The following SLC8A1 variants were observed in gnomAD, a reference collection of about 807,000 sequenced individuals.
SLC8A1 encodes solute carrier family 8 member A1, also known as sodium/calcium exchanger 1.
Under a neutral mutation model 68.3 loss-of-function variants are expected in SLC8A1, and 18 were observed. The ratio of observed to expected loss-of-function variants is 0.26; its 90% CI spans 0.18 to 0.39. SLC8A1 has a LOEUF of 0.39. Among genes scored for constraint, SLC8A1 ranks in the 10% least tolerant of loss-of-function variants. The probability of loss-of-function intolerance (pLI) is 1.00; values close to 1 mark genes in which losing one functional copy is unlikely to be tolerated. For missense variants in SLC8A1, 985 were observed against 1,156.7 expected (o/e 0.85, Z 2.15); for synonymous variants, 475 against 415.5 (o/e 1.14, Z -1.74).
chr2:40,306,473 A>C (rs1320232440), intron 2 of SLC8A1, among the ~76,000 whole-genome samples: 1 of 152,112 alleles, frequency 6.6e-6, no homozygotes, highest in Non-Finnish European at 1.5e-5. Flanking sequence ...ATAGCGTGGA[A>C]TATTTCAGTG....
At chr2:40,291,595 T>A (rs2069332895) in intron 2 of SLC8A1, among the ~76,000 whole-genome samples, 1 of 152,028 alleles carries the variant, frequency 6.6e-6, no homozygotes, top group African/African-American at 2.4e-5. Context: ...AATGGCATAA[T>A]TTGAATGTGC....
chr2:40,277,815 T>C (rs955445399), intron 2 of SLC8A1, among the ~76,000 whole-genome samples: 20 of 145,138 alleles, frequency 1.4e-4, no homozygotes, highest in Non-Finnish European at 2.7e-4. Flanking sequence ...TATATATATA[T>C]ATATATATAT....
In SLC8A1 at chr2:40,360,650, A is replaced by G. The variant is rs80281397; in HGVS notation, c.1808+67823T>C. Among the ~76,000 whole-genome samples, 527 of 152,318 alleles carry G rather than the reference A, an allele frequency of 3.5e-3. 1 individual carries two copies. The highest frequency in any genetic ancestry group is 6.8e-3 in the Middle Eastern group (2 of 294). On this transcript the variant is annotated intron_variant, in intron 2 of 7. Coordinates refer to ENST00000406785, the Ensembl canonical transcript of SLC8A1. Reference sequence around the variant, plus strand: ...TGAGGTACACAGAGCTGAGGCATACAGAGGTTGAGTCACTTGCCCAAGGTC... The same window carrying G: ...TGAGGTACACAGAGCTGAGGCATACGGAGGTTGAGTCACTTGCCCAAGGTC...
chr2:40,420,400 C>T (rs189234987), intron 2 of SLC8A1, among the ~76,000 whole-genome samples: 5 of 148,548 alleles, frequency 3.4e-5, no homozygotes, highest in East Asian at 2.0e-4. Context: ...ATTTCAAGTA[C>T]GAAGAAAAGC....
At chr2:40,415,859 T>TACACAC (rs70957173) in intron 2 of SLC8A1, among the ~76,000 whole-genome samples, 1,310 of 113,536 alleles carry the variant, frequency 0.012, 14 homozygotes, top group African/African-American at 0.024. Flanking sequence ...ACTAAAAGTA[T>TACACAC]ACACACACAC....
chr2:40,254,627 TGTGA>T (rs2063583860), intron 2 of SLC8A1: 1 of 152,186 alleles, frequency 6.6e-6, no homozygotes, highest in Admixed American at 6.5e-5. Context: ...TTCAGAAAAT[TGTGA>T]GTTTTAACCT....
chr2:40,132,104 T>TA (rs1167540659), intron 7 of SLC8A1, among the ~76,000 whole-genome samples: 4 of 151,724 alleles, frequency 2.6e-5, no homozygotes, highest in Admixed American at 2.6e-4. Flanking sequence ...GCCTTAAAAG[T>TA]AAAAAATAAT....
At chr2:40,110,619 G>A (rs1253356892) in exon 8 of SLC8A1, 1 of 152,184 alleles carries the variant, frequency 6.6e-6, no homozygotes, top group East Asian at 1.9e-4. Context: ...CTGAATGCCA[G>A]TTGTAGGTCA....
At chr2:40,119,264 C>T (rs1032732043) in intron 7 of SLC8A1, among the ~76,000 whole-genome samples, 1 of 151,958 alleles carries the variant, frequency 6.6e-6, no homozygotes, top group African/African-American at 2.4e-5. Context: ...CTTTGTGTCT[C>T]ATAGGTTTTA....
chr2:40,346,087 A>G (rs1409412424), intron 2 of SLC8A1, among the ~76,000 whole-genome samples: 1 of 151,402 alleles, frequency 6.6e-6, no homozygotes, highest in Non-Finnish European at 1.5e-5. Flanking sequence ...AGAAAGAAAA[A>G]GAAAACCCTC....
intron 2 of SLC8A1, among the ~76,000 whole-genome samples, chr2:40,427,840 T>G (rs1205894859): frequency 6.6e-6 from 1 of 152,160 alleles, no homozygotes; most frequent in Non-Finnish European, 1.5e-5. Flanking sequence ...AAACCGGACT[T>G]GAACTACAAA....
chr2:40,427,569 G>A (rs1252591066), intron 2 of SLC8A1, among the ~76,000 whole-genome samples: 1 of 151,898 alleles, frequency 6.6e-6, no homozygotes, highest in Non-Finnish European at 1.5e-5. Flanking sequence ...CTTTTGGTGA[G>A]TTGAGTGCAA....
At chr2:40,406,852 C>A (rs1003480008) in intron 2 of SLC8A1, among the ~76,000 whole-genome samples, 2 of 152,180 alleles carry the variant, frequency 1.3e-5, no homozygotes, top group Non-Finnish European at 2.9e-5. Context: ...GGATTGAAAC[C>A]GTATATGATA....
intron 7 of SLC8A1, among the ~76,000 whole-genome samples, chr2:40,124,912 T>A (rs1166472525): frequency 1.3e-5 from 2 of 152,244 alleles, no homozygotes; most frequent in Admixed American, 6.5e-5. Flanking sequence ...GGTAAATATT[T>A]GCTATATATC....
In SLC8A1 at chr2:40,314,279, T is replaced by G. The variant is rs1231762673; in HGVS notation, c.1808+114194A>C. Among the ~76,000 whole-genome samples the G allele has an allele frequency of 2.4e-4, 36 of 152,112 alleles. 1 individual carries two copies. The highest frequency in any genetic ancestry group is 4.1e-4 in the Non-Finnish European group (28 of 67,972). ...GAATTGCCTTGTATTTTTGTTAGAA[T>G]AACAACAACAACAAAATCCAAAACC... is the stretch of plus-strand genomic sequence containing the variant. On this transcript the variant is annotated intron_variant, in intron 2 of 7. Coordinates refer to ENST00000406785, the Ensembl canonical transcript of SLC8A1.
chr2:40,321,432 G>T (rs973666306), intron 2 of SLC8A1, among the ~76,000 whole-genome samples: 4 of 152,118 alleles, frequency 2.6e-5, no homozygotes, highest in African/African-American at 9.6e-5. Context: ...AGACCCGAAG[G>T]CTCTCAGTAA....
intron 1 of SLC8A1, among the ~76,000 whole-genome samples, chr2:40,467,457 T>C (rs1425846454): frequency 6.6e-6 from 1 of 152,110 alleles, no homozygotes; most frequent in Non-Finnish European, 1.5e-5. Context: ...AGGACAAAAG[T>C]CAAAACAATT....
intron 2 of SLC8A1, among the ~76,000 whole-genome samples, chr2:40,275,011 G>C (rs2066518893): frequency 6.6e-6 from 1 of 152,174 alleles, no homozygotes; most frequent in Non-Finnish European, 1.5e-5. Context: ...CTGCAAAAGT[G>C]CATCAAAGTT....
At chr2:40,306,456 G>GC (rs902454997) in intron 2 of SLC8A1, among the ~76,000 whole-genome samples, 2 of 147,768 alleles carry the variant, frequency 1.4e-5, no homozygotes, top group Non-Finnish European at 1.5e-5. Flanking sequence ...TGGTTGTGGG[G>GC]GGGGGCATAG....
Sources: gnomAD v4.1 joint callset for allele counts (sites outside exome capture counted in the v4.1 genomes callset) on GRCh38, gnomAD v4.1.1 for gene constraint, MANE v1.5 for transcripts, NCBI Gene and HGNC (gene_info 2026-07-23, HGNC 2026-07-21) for gene names.